The following PLCE1 variants were observed in gnomAD, a reference collection of about 807,000 sequenced individuals.
The protein encoded by PLCE1 is 1-phosphatidylinositol 4,5-bisphosphate phosphodiesterase epsilon-1.
PLCE1 carries 119 observed loss-of-function variants against 242.8 expected under a neutral mutation model. The ratio of observed to expected loss-of-function variants is 0.49; its 90% CI spans 0.42 to 0.57. The LOEUF (loss-of-function observed/expected upper bound fraction) is 0.57, where lower values mean the gene tolerates loss of function less well. Among genes scored for constraint, PLCE1 ranks in the 20% least tolerant of loss-of-function variants. The pLI, the probability that PLCE1 is intolerant of heterozygous loss-of-function variation, is 0.00. For synonymous variants in PLCE1, 945 were observed against 1,017.4 expected (o/e 0.93, Z 1.35); for missense variants, 2,441 against 2,788.8 (o/e 0.88, Z 2.81).
At chr10:94,252,663 C>T (rs1369832637) in intron 9 of PLCE1, among the ~76,000 whole-genome samples, 165 bp downstream of exon 9, 1 of 152,026 alleles carries the variant, frequency 6.6e-6, no homozygotes, top group Non-Finnish European at 1.5e-5. Context: ...ATGCTAGTGC[C>T]AGGAACACCA....
chr10:94,184,244 C>T (rs1325740303), intron 4 of PLCE1, among the ~76,000 whole-genome samples: 2 of 152,186 alleles, frequency 1.3e-5, no homozygotes, highest in Non-Finnish European at 2.9e-5. Flanking sequence ...GTCCCTTCAA[C>T]GGCCCCCCTT....
At chr10:94,265,582 G>A (rs2051484342) in intron 14 of PLCE1, 65 bp from the exon 15 acceptor site, 3 of 1,296,740 alleles carry the variant, frequency 2.3e-6, no homozygotes, top group African/African-American at 1.5e-5. Flanking sequence ...AAATGATGTG[G>A]TGGTTTCTTT....
chr10:94,295,121 T>G (rs2052768721), intron 23 of PLCE1, among the ~76,000 whole-genome samples: 1 of 151,824 alleles, frequency 6.6e-6, no homozygotes. Flanking sequence ...TTTTACCATG[T>G]TAGCCAGGGT....
intron 3 of PLCE1, among the ~76,000 whole-genome samples, chr10:94,151,284 A>T (rs1416763690): frequency 6.6e-6 from 1 of 152,228 alleles, no homozygotes; most frequent in Non-Finnish European, 1.5e-5. Flanking sequence ...CTTTCACAGC[A>T]TAGGACAATC....
chr10:94,257,922 T>A (rs937081133), intron 11 of PLCE1, among the ~76,000 whole-genome samples: 3 of 152,090 alleles, frequency 2.0e-5, no homozygotes, highest in African/African-American at 7.2e-5. Context: ...AAGTATAATT[T>A]AAAAAATAGA....
At chr10:94,137,224 G>A (rs2046810161) in intron 3 of PLCE1, among the ~76,000 whole-genome samples, 1 of 152,074 alleles carries the variant, frequency 6.6e-6, no homozygotes, top group African/African-American at 2.4e-5. Flanking sequence ...TCCTGTCCCT[G>A]TGCCCTTTTC....
intron 2 of PLCE1, among the ~76,000 whole-genome samples, chr10:94,088,780 T>A (rs2044944127): frequency 6.6e-6 from 1 of 152,160 alleles, no homozygotes; most frequent in Non-Finnish European, 1.5e-5. Flanking sequence ...TTTTTTAAAC[T>A]TGACTAAAAC....
At chr10:94,235,035 A>G (rs1417413859) in intron 6 of PLCE1, among the ~76,000 whole-genome samples, 1 of 151,052 alleles carries the variant, frequency 6.6e-6, no homozygotes, top group African/African-American at 2.4e-5. Flanking sequence ...CATTCCTGCC[A>G]TGATGACAGA....
At chr10:94,141,646 A>C (rs1332802488) in intron 3 of PLCE1, among the ~76,000 whole-genome samples, 3 of 8,728 alleles carry the variant, frequency 3.4e-4, no homozygotes, top group Non-Finnish European at 7.6e-4. Flanking sequence ...AGAAAGAAGG[A>C]AGGAAAGAAG....
At chr10:94,127,245 T>C (rs1234440897) in intron 2 of PLCE1, among the ~76,000 whole-genome samples, 1 of 152,206 alleles carries the variant, frequency 6.6e-6, no homozygotes, top group Admixed American at 6.5e-5. Context: ...CATGATTCTG[T>C]GAATTAGTTG....
chr10:94,232,456 G>A (rs1446266072), intron 5 of PLCE1, among the ~76,000 whole-genome samples: 1 of 152,098 alleles, frequency 6.6e-6, no homozygotes, highest in Non-Finnish European at 1.5e-5. Flanking sequence ...GGACAGGAGA[G>A]GAGATGGGAA....
At chr10:94,283,997 C>T in intron 21 of PLCE1, 86 bp downstream of exon 21, 1 of 1,484,300 alleles carries the variant, frequency 6.7e-7, no homozygotes, top group South Asian at 1.1e-5. Context: ...CTCCCTGTCC[C>T]TCCCTTTCAC....
chr10:94,322,142 TTA>T (rs2053832291), intron 30 of PLCE1, 83 bp downstream of exon 30: 2 of 1,312,854 alleles, frequency 1.5e-6, no homozygotes, highest in Admixed American at 1.7e-5. Context: ...ATGGCTCATT[TTA>T]TGAGTGAAGT....
intron 1 of PLCE1, among the ~76,000 whole-genome samples, chr10:94,007,106 A>C (rs1289644397): frequency 7.0e-6 from 1 of 143,830 alleles, no homozygotes; most frequent in African/African-American, 2.4e-5. Flanking sequence ...CTGGGTTTCT[A>C]GGGGAAAAAA....
chr10:94,040,067 A>G (rs981753217), intron 2 of PLCE1, among the ~76,000 whole-genome samples: 1 of 152,080 alleles, frequency 6.6e-6, no homozygotes, highest in Non-Finnish European at 1.5e-5. Flanking sequence ...TTGGACATTC[A>G]TCTCCTTCTC....
intron 2 of PLCE1, among the ~76,000 whole-genome samples, chr10:94,127,568 A>G (rs1384129848): frequency 6.6e-6 from 1 of 152,204 alleles, no homozygotes; most frequent in Non-Finnish European, 1.5e-5. Context: ...AGTTAAGGAA[A>G]TCACAGTTCC....
rs550150974 is a variant in PLCE1 at position 94,182,094 on chromosome 10, G to GTTT, written c.1809+10610_1809+10612dup. Among the ~76,000 whole-genome samples the GTTT allele has an allele frequency of 3.7e-3, 486 of 131,354 alleles. 6 individuals carry two copies. Among genetic ancestry groups the GTTT allele is most frequent in the African/African-American group, 0.013 (460 of 35,428 alleles). 86.2% of individuals were successfully genotyped at this position (131,354 alleles called of 152,430 possible). ...AAATGTCTTCCTTCCTTTTCTTTCT[G>GTTT]TTTTTTTTTTTTTTCATTTTTTGCT... On this transcript the variant is annotated intron_variant, in intron 4 of 32. Transcript: ENST00000371380.
rs976943534 is a variant in PLCE1 at position 94,262,868 on chromosome 10, T to G, written c.4053+136T>G. 5.2e-6 allele frequency: 4 copies of G among 768,324 alleles called. No homozygotes were observed. In the African/African-American group the frequency reaches 6.9e-5, roughly 13 times the overall value. The allele number at this position is 768,324 out of a possible 1,614,324, so 47.6% of individuals were successfully genotyped here. On this transcript the variant is annotated intron_variant, in intron 14 of 32. Coordinates refer to ENST00000371380, the MANE Select transcript of PLCE1 (RefSeq NM_016341.4). ...GGACAGATATACAGTTTTGTTTTTT[T>G]TTTTGTTTTTTTGGGTGTTTTTGAG...
chr10:94,093,797 G>T (rs2045175199), intron 2 of PLCE1, among the ~76,000 whole-genome samples: 4 of 152,144 alleles, frequency 2.6e-5, no homozygotes, highest in Non-Finnish European at 5.9e-5. Context: ...GTAGAATAGT[G>T]ATGGTGGTCT....
Sources: gnomAD v4.1 joint callset for allele counts (sites outside exome capture counted in the v4.1 genomes callset) on GRCh38, gnomAD v4.1.1 for gene constraint, MANE v1.5 for transcripts, NCBI Gene and HGNC (gene_info 2026-07-23, HGNC 2026-07-21) for gene names.